The following SYT13 variants were observed in gnomAD, a reference collection of about 807,000 sequenced individuals.
SYT13 encodes synaptotagmin 13.
In SYT13, 21 loss-of-function variants were observed where a neutral mutation model predicts 38.6. The observed-to-expected ratio is 0.54, with a 90% CI of 0.39 to 0.78. SYT13 has a LOEUF of 0.78. Among genes scored for constraint, SYT13 ranks in the 30% least tolerant of loss-of-function variants. The pLI, the probability that SYT13 is intolerant of heterozygous loss-of-function variation, is 0.00. For missense variants in SYT13, 495 were observed against 548.7 expected (o/e 0.90, Z 0.98); for synonymous variants, 241 against 237.6 (o/e 1.01, Z -0.13).
At chr11:45,273,635 G>A (rs930727297) in intron 1 of SYT13, among the ~76,000 whole-genome samples, 7 of 152,196 alleles carry the variant, frequency 4.6e-5, no homozygotes, top group Non-Finnish European at 7.3e-5. Flanking sequence ...GAATATTAAC[G>A]ACATGAGGTC....
intron 3 of SYT13, 31 bp downstream of exon 3, chr11:45,254,239 G>C (rs1237866681): frequency 1.3e-6 from 2 of 1,583,798 alleles, no homozygotes; most frequent in Admixed American, 3.5e-5. Context: ...TAGACACACA[G>C]AAGCCCACGA....
chr11:45,276,193 CAATGATAGACTGAATAAAG>C (rs1457257772), intron 1 of SYT13, among the ~76,000 whole-genome samples: 1 of 152,060 alleles, frequency 6.6e-6, no homozygotes, highest in Non-Finnish European at 1.5e-5. Context: ...CAATGCTCAG[CAATGATAGACTGAATAAAG>C]AATATGTGGC....
intron 1 of SYT13, among the ~76,000 whole-genome samples, chr11:45,271,767 G>T (rs926618354): frequency 1.3e-5 from 2 of 152,136 alleles, no homozygotes; most frequent in Non-Finnish European, 2.9e-5. Flanking sequence ...ACACAGTGAG[G>T]GTAACCCAGG....
chr11:45,267,127 TC>T (rs1186171036), intron 1 of SYT13, among the ~76,000 whole-genome samples: 11 of 152,180 alleles, frequency 7.2e-5, no homozygotes, highest in Non-Finnish European at 1.5e-5. Flanking sequence ...GGACACTGAG[TC>T]CGTAGAGTTC....
At chr11:45,246,265 T>G in intron 5 of SYT13, 118 bp downstream of exon 5, 1 of 1,412,176 alleles carries the variant, frequency 7.1e-7, no homozygotes, top group South Asian at 1.4e-5. Flanking sequence ...GCTCCGTAGA[T>G]GTGCTCATAT....
In SYT13 at chr11:45,252,323, G is replaced by T; in HGVS notation, c.846+98C>A. ...GCCCCAAGCCAGGGAGGTCTCTGAG[G>T]CTTGTTCCCTAAGACTGAGTTGCTG... is the stretch of plus-strand genomic sequence containing the variant. On this transcript the variant is annotated intron_variant, in intron 4 of 5. Transcript: ENST00000020926. This position sits in a 1 kb window ranked among gnomAD's most constrained non-coding sequence, Gnocchi z 4.3. 2 of 1,410,152 alleles carry T rather than the reference G, an allele frequency of 1.4e-6. No homozygotes were observed. The highest frequency in any genetic ancestry group is 1.9e-6 in the Non-Finnish European group (2 of 1,055,948). 87.4% of individuals were successfully genotyped at this position (1,410,152 alleles called of 1,614,324 possible).
In SYT13 at chr11:45,279,543, C is replaced by T. The variant is rs116611486; in HGVS notation, c.183+6482G>A. ...TCGAGGCAGCAGTGAGCCATGACCA[C>T]GCCACTGCACTCCAGCCTGGGTGGC... On this transcript the variant is annotated intron_variant, in intron 1 of 5. Transcript: ENST00000020926. Among the ~76,000 whole-genome samples, 254 of 152,272 alleles carry T rather than the reference C, an allele frequency of 1.7e-3. 1 individual carries two copies. Among genetic ancestry groups the T allele is most frequent in the African/African-American group, 5.1e-3 (214 of 41,554 alleles).
chr11:45,274,820 C>T (rs1854990618), intron 1 of SYT13, among the ~76,000 whole-genome samples: 1 of 152,214 alleles, frequency 6.6e-6, no homozygotes, highest in African/African-American at 2.4e-5. Flanking sequence ...TCGTGCTGTT[C>T]TTACCAGAGA....
intron 1 of SYT13, among the ~76,000 whole-genome samples, chr11:45,266,962 GA>G: frequency 6.6e-6 from 1 of 152,326 alleles, no homozygotes; most frequent in Non-Finnish European, 1.5e-5. Flanking sequence ...CTCACAGTCT[GA>G]AAAGGGCCGT....
At chr11:45,262,462 A>G (rs540001318) in intron 1 of SYT13, among the ~76,000 whole-genome samples, 25 of 152,264 alleles carry the variant, frequency 1.6e-4, no homozygotes, top group African/African-American at 5.8e-4. Context: ...GCGGTGGCTC[A>G]TGCCTGTACT....
At chr11:45,278,856 A>G (rs1192604559) in intron 1 of SYT13, among the ~76,000 whole-genome samples, 1 of 152,188 alleles carries the variant, frequency 6.6e-6, no homozygotes, top group African/African-American at 2.4e-5. Context: ...GAAAGAATCT[A>G]TGCTAATTTC....
At chr11:45,262,599 G>A (rs1387599418) in intron 1 of SYT13, among the ~76,000 whole-genome samples, 5 of 151,782 alleles carry the variant, frequency 3.3e-5, no homozygotes, top group Admixed American at 1.3e-4. Flanking sequence ...GGTAGTGCAC[G>A]CCTGTAGTCC....
At chr11:45,282,144 T>G (rs1266655878) in intron 1 of SYT13, among the ~76,000 whole-genome samples, 1 of 152,158 alleles carries the variant, frequency 6.6e-6, no homozygotes, top group Non-Finnish European at 1.5e-5. Flanking sequence ...TCGCTTTGCC[T>G]CCCTGGCTCT....
rs1209219650 is a variant in SYT13, at chr11:45,242,821, A to G, written c.*1231T>C. Reference sequence around the variant, plus strand: ...GTACCGTATCCACTCAGCAAGGCTCATAATTTAGATTTAATTAACAATGTG... The same window carrying G: ...GTACCGTATCCACTCAGCAAGGCTCGTAATTTAGATTTAATTAACAATGTG... On this transcript the variant is annotated 3_prime_UTR_variant, in exon 6 of 6. Transcript: ENST00000020926. 1 of 152,224 alleles carries G rather than the reference A, an allele frequency of 6.6e-6. No individual in the cohort carries two copies. Among genetic ancestry groups the G allele is most frequent in the Admixed American group, 6.5e-5 (1 of 15,274 alleles). 9.4% of individuals were successfully genotyped at this position (152,224 alleles called of 1,614,324 possible).
intron 1 of SYT13, among the ~76,000 whole-genome samples, chr11:45,268,282 C>A (rs1394772456): frequency 6.6e-6 from 1 of 151,396 alleles, no homozygotes; most frequent in African/African-American, 2.4e-5. Flanking sequence ...ATGGAGTGGA[C>A]ATTTCCAGTG....
At chr11:45,259,632 GT>G (rs1296431606) in intron 1 of SYT13, among the ~76,000 whole-genome samples, 1 of 152,108 alleles carries the variant, frequency 6.6e-6, no homozygotes, top group Non-Finnish European at 1.5e-5. Context: ...ACAACACCAG[GT>G]TGTCTAGGTT....
intron 1 of SYT13, among the ~76,000 whole-genome samples, chr11:45,264,612 C>G (rs1182321230): frequency 6.6e-6 from 1 of 152,186 alleles, no homozygotes; most frequent in Admixed American, 6.5e-5. Context: ...CACAGCCTGG[C>G]AGAGATTCTG....
At chr11:45,282,983 C>T (rs550017199) in intron 1 of SYT13, among the ~76,000 whole-genome samples, 3 of 152,040 alleles carry the variant, frequency 2.0e-5, no homozygotes, top group East Asian at 1.9e-4. Context: ...CTTGTCTCTA[C>T]AAAACATAAA....
rs762851457 is a variant in SYT13, at chr11:45,246,415, T to C, written c.944A>G (p.His315Arg). 6.2e-7 allele frequency: 1 copy of C among 1,613,830 alleles called. No individual in the cohort carries two copies. The highest frequency in any genetic ancestry group is 2.2e-5 in the East Asian group (1 of 44,860). Residue 315 changes from histidine (H) to arginine (R), a missense_variant, in exon 5 of 6, where the codon CAC becomes CGC. Coordinates refer to ENST00000020926, the MANE Select transcript of SYT13 (RefSeq NM_020826.3). ...CAGGAGCTCCTTGGACTGGTTAGAG[T>C]GGAGGTTCTTGGCTTTAATCAGCAC... ...LVVLIKAKNL[H>R]SNQSKELLGK...
Sources: gnomAD v4.1 joint callset for allele counts (sites outside exome capture counted in the v4.1 genomes callset) on GRCh38, gnomAD v4.1.1 for gene constraint, Gnocchi (gnomAD v3.1) non-coding constraint, MANE v1.5 for transcripts, NCBI Gene and HGNC (gene_info 2026-07-23, HGNC 2026-07-21) for gene names.